IFI27L1: variants seen among roughly 807,000 people sequenced by gnomAD.
IFI27L1 encodes the protein interferon alpha-inducible protein 27-like protein 1.
IFI27L1 carries 3 observed loss-of-function variants against 9.2 expected under a neutral mutation model. That is an observed-to-expected ratio of 0.32 (90% confidence interval 0.15 to 0.84). The LOEUF is 0.84. Ranked by LOEUF, IFI27L1 falls within the 40% of genes least tolerant of loss-of-function variation. The pLI is 0.56. For missense variants in IFI27L1, 133 were observed against 134.2 expected (o/e 0.99, Z 0.05); for synonymous variants, 53 against 50.0 (o/e 1.06, Z -0.26).
Position 94,102,419 on chromosome 14 carries a change from C to T in IFI27L1, c.224-58C>T, listed in dbSNP as rs1042627661. ...GACCAGGGTCTCTGGCCTTCAACCCCCTGTTAGGAGCTGCTACCCCTCCCT... is the reference window on the plus strand; with the variant it reads ...GACCAGGGTCTCTGGCCTTCAACCCTCTGTTAGGAGCTGCTACCCCTCCCT... On this transcript the variant is annotated intron_variant, in intron 4 of 4. Coordinates refer to ENST00000555523, the MANE Select transcript of IFI27L1 (RefSeq NM_206949.3). 1.8e-5 allele frequency: 20 copies of T among 1,127,792 alleles called. No homozygotes were observed. In the African/African-American group the frequency reaches 2.7e-4, roughly 15 times the overall value. The allele number at this position is 1,127,792 out of a possible 1,614,324, so 69.9% of individuals were successfully genotyped here. A position where few individuals can be genotyped will look rare whatever the true frequency, so the allele number is the denominator to read the frequency against.
At chr14:94,082,718 A>T (rs1466171816) in intron 1 of IFI27L1, among the ~76,000 whole-genome samples, 1 of 152,258 alleles carries the variant, frequency 6.6e-6, no homozygotes, top group East Asian at 1.9e-4. Flanking sequence ...TGTTCATAGC[A>T]TGGTTTACTG....
chr14:94,088,207 T>C, intron 1 of IFI27L1: 4 of 701,716 alleles, frequency 5.7e-6, no homozygotes, highest in Admixed American at 2.0e-5. Context: ...TTCGGCTTCT[T>C]CTACTGCCAA....
At chr14:94,102,300 C>T (rs1157604408) in intron 4 of IFI27L1, among the ~76,000 whole-genome samples, 177 bp from the exon 5 acceptor site, 1 of 152,122 alleles carries the variant, frequency 6.6e-6, no homozygotes, top group Non-Finnish European at 1.5e-5. Flanking sequence ...GGGCAGTGGC[C>T]TGCAGCAGCC....
intron 4 of IFI27L1, 166 bp downstream of exon 4, chr14:94,102,141 G>A: frequency 5.6e-6 from 4 of 712,886 alleles, no homozygotes; most frequent in Middle Eastern, 3.0e-4. Flanking sequence ...CAGGGGTGCA[G>A]CCTAAGAGAT....
In IFI27L1 at chr14:94,101,803, A is replaced by T; in HGVS notation, c.62-11A>T. 6.2e-7 allele frequency: 1 copy of T among 1,613,984 alleles called. No individual in the cohort carries two copies. The highest frequency in any genetic ancestry group is 1.7e-5 in the Admixed American group (1 of 60,010). On this transcript the variant is annotated splice_polypyrimidine_tract_variant and intron_variant, in intron 3 of 4. Coordinates refer to ENST00000555523, the MANE Select transcript of IFI27L1 (RefSeq NM_206949.3). ...CCCATGGGGCCAACCCCAAATCTCCACTTCCCGCAGTTGTGGCTGTGGGGA... is the reference window on the plus strand; with the variant it reads ...CCCATGGGGCCAACCCCAAATCTCCTCTTCCCGCAGTTGTGGCTGTGGGGA...
At chr14:94,099,872 C>G (rs905896036) in intron 2 of IFI27L1, among the ~76,000 whole-genome samples, 1 of 151,940 alleles carries the variant, frequency 6.6e-6, no homozygotes, top group African/African-American at 2.4e-5. Flanking sequence ...ACTAATAGAA[C>G]CTTCTGTTCT....
At chr14:94,094,109 G>T (rs1247829410) in intron 1 of IFI27L1, among the ~76,000 whole-genome samples, 3 of 152,122 alleles carry the variant, frequency 2.0e-5, no homozygotes, top group Non-Finnish European at 4.4e-5. Flanking sequence ...GACCAAACTT[G>T]GGTTTGAGGC....
chr14:94,085,244 G>A (rs1886245388), intron 1 of IFI27L1, among the ~76,000 whole-genome samples: 2 of 152,202 alleles, frequency 1.3e-5, no homozygotes, highest in Non-Finnish European at 2.9e-5. Context: ...GCCAGGTAGG[G>A]CATCTAGAAG....
chr14:94,100,488 C>G, intron 2 of IFI27L1: 6 of 985,374 alleles, frequency 6.1e-6, no homozygotes, highest in Non-Finnish European at 6.0e-6. Flanking sequence ...GGGGGCCCAG[C>G]CACAAGGCTG....
At chr14:94,084,431 G>C (rs184155215) in intron 1 of IFI27L1, among the ~76,000 whole-genome samples, 2 of 152,284 alleles carry the variant, frequency 1.3e-5, no homozygotes, top group Non-Finnish European at 2.9e-5. Flanking sequence ...GAGCCCAAGA[G>C]GTCAAGGCTG....
In IFI27L1 at chr14:94,092,180, A is replaced by T. The variant is rs367582717; in HGVS notation, c.-51-4707A>T. 2.6e-5 allele frequency among the ~76,000 whole-genome samples: 4 copies of T among 151,684 alleles called. No homozygotes were observed. The East Asian group carries it at 7.8e-4, about 29-fold the overall frequency. On this transcript the variant is annotated intron_variant, in intron 1 of 4. Transcript: ENST00000555523. ...ATCTTAAGAGAGAAAGCCAGATTTC[A>T]CCCTTTGCGTTAGTGTACTATTGAT...
intron 1 of IFI27L1, among the ~76,000 whole-genome samples, chr14:94,096,158 C>A (rs966126785): frequency 1.3e-5 from 2 of 152,040 alleles, no homozygotes; most frequent in African/African-American, 2.4e-5. Context: ...ATATTGGCAA[C>A]AATAAGTTTA....
intron 1 of IFI27L1, among the ~76,000 whole-genome samples, chr14:94,093,920 G>T (rs940365624): frequency 6.6e-6 from 1 of 152,190 alleles, no homozygotes; most frequent in African/African-American, 2.4e-5. Flanking sequence ...GAGTCTCAGT[G>T]TGAAGTCTGC....
At chr14:94,092,023 G>A (rs1204318928) in intron 1 of IFI27L1, among the ~76,000 whole-genome samples, 1 of 151,854 alleles carries the variant, frequency 6.6e-6, no homozygotes, top group East Asian at 1.9e-4. Context: ...CTACTTGGGA[G>A]GCTGAGTCAG....
intron 4 of IFI27L1, 41 bp from the exon 5 acceptor site, chr14:94,102,436 C>T: frequency 7.5e-7 from 1 of 1,331,382 alleles, no homozygotes; most frequent in Non-Finnish European, 1.0e-6. Context: ...GGAGCTGCTA[C>T]CCCTCCCTGT....
intron 1 of IFI27L1, among the ~76,000 whole-genome samples, chr14:94,085,457 T>C (rs1158473587): frequency 6.6e-6 from 1 of 152,216 alleles, no homozygotes; most frequent in Non-Finnish European, 1.5e-5. Flanking sequence ...TAGCAATTCC[T>C]TTTGTCATCA....
intron 3 of IFI27L1, chr14:94,101,431 C>T (rs1271813397): frequency 7.4e-6 from 2 of 270,950 alleles, no homozygotes; most frequent in East Asian, 8.5e-5. Flanking sequence ...CCTCACCTCT[C>T]CAGAAAAGCA....
At chr14:94,082,221 C>G (rs750905516) in intron 1 of IFI27L1, among the ~76,000 whole-genome samples, 3 of 152,252 alleles carry the variant, frequency 2.0e-5, no homozygotes, top group Non-Finnish European at 4.4e-5. Context: ...AACCCAAAAC[C>G]GAATCCAAAG....
chr14:94,089,331 AGTTTTTGAG>A (rs1424208808), intron 1 of IFI27L1: 3 of 152,154 alleles, frequency 2.0e-5, no homozygotes, highest in Non-Finnish European at 4.4e-5. Context: ...ATTATTAATG[AGTTTTTGAG>A]GTGGGCAATT....
Sources: gnomAD v4.1 joint callset for allele counts (sites outside exome capture counted in the v4.1 genomes callset) on GRCh38, gnomAD v4.1.1 for gene constraint, MANE v1.5 for transcripts, NCBI Gene and HGNC (gene_info 2026-07-23, HGNC 2026-07-21) for gene names.